Variants in SYCP2L observed in about 807,000 individuals in gnomAD.
SYCP2L encodes synaptonemal complex protein 2 like.
A neutral mutation model predicts 125.8 loss-of-function variants in SYCP2L; 98 were observed. The ratio of observed to expected loss-of-function variants is 0.78; its 90% CI spans 0.66 to 0.92. The LOEUF (loss-of-function observed/expected upper bound fraction) is 0.92. Ranked by LOEUF, SYCP2L falls within the 40% of genes least tolerant of loss-of-function variation. The pLI, the probability that SYCP2L is intolerant of heterozygous loss-of-function variation, is 0.00. For missense variants in SYCP2L, 842 were observed against 936.4 expected, an observed-to-expected ratio of 0.90 and a Z score of 1.32; for synonymous variants, 317 against 325.4, an observed-to-expected ratio of 0.97 and a Z score of 0.28.
At chr6:10,963,390 A>G in intron 28 of SYCP2L, 2 of 214,118 alleles carry the variant, frequency 9.3e-6, no homozygotes, top group Admixed American at 1.1e-4. Context: ...TTCAAGGTCA[A>G]ACAGGTATCC....
intron 10 of SYCP2L, among the ~76,000 whole-genome samples, chr6:10,909,116 ATTTTT>A (rs67767345): frequency 6.2e-4 from 59 of 94,870 alleles, no homozygotes; most frequent in African/African-American, 2.3e-3. Context: ...TCTCAATTGA[ATTTTT>A]TTTTTTTTTT....
chr6:10,889,231 A>G (rs904805804), intron 1 of SYCP2L, among the ~76,000 whole-genome samples: 6 of 152,190 alleles, frequency 3.9e-5, no homozygotes, highest in African/African-American at 1.4e-4. Context: ...ATTATCCACT[A>G]ACACAATGGT....
chr6:10,919,483 G>A (rs1780751755), intron 14 of SYCP2L, among the ~76,000 whole-genome samples: 1 of 152,152 alleles, frequency 6.6e-6, no homozygotes, highest in African/African-American at 2.4e-5. Context: ...AGGTGGCAGT[G>A]GGGTGAAATG....
chr6:10,919,164 A>G (rs964391038), intron 14 of SYCP2L, among the ~76,000 whole-genome samples: 1 of 152,214 alleles, frequency 6.6e-6, no homozygotes, highest in East Asian at 1.9e-4. Flanking sequence ...TTGTCATAGT[A>G]CTAGAGTTGG....
At chr6:10,906,860 A>G (rs911249275) in intron 9 of SYCP2L, among the ~76,000 whole-genome samples, 1 of 151,894 alleles carries the variant, frequency 6.6e-6, no homozygotes, top group South Asian at 2.1e-4. Flanking sequence ...CGGCCTCCCA[A>G]AGTGCTGGGA....
At chr6:10,945,952 T>G (rs544319374) in intron 23 of SYCP2L, among the ~76,000 whole-genome samples, 1 of 152,278 alleles carries the variant, frequency 6.6e-6, no homozygotes, top group African/African-American at 2.4e-5. Context: ...TGGTATAATT[T>G]CTAAAAGTCT....
intron 22 of SYCP2L, 66 bp downstream of exon 22, chr6:10,942,595 T>C (rs971460800): frequency 1.9e-6 from 3 of 1,575,740 alleles, no homozygotes; most frequent in African/African-American, 1.4e-5. Context: ...CATAACACAT[T>C]GGCTATTCCT....
intron 2 of SYCP2L, among the ~76,000 whole-genome samples, chr6:10,892,907 A>G (rs1035132164): frequency 3.9e-5 from 6 of 152,076 alleles, no homozygotes; most frequent in African/African-American, 7.2e-5. Flanking sequence ...TTGCTTCCTT[A>G]TTAAAATAGT....
intron 10 of SYCP2L, 134 bp from the exon 11 acceptor site, chr6:10,910,014 T>A (rs1317502494): frequency 3.1e-6 from 2 of 650,114 alleles, no homozygotes; most frequent in Non-Finnish European, 5.3e-6. Context: ...TAATAACAAA[T>A]CCTTGTAAAG....
At position 10,894,071 on chromosome 6, in the gene SYCP2L, T is replaced by C; in HGVS notation, c.217-14T>C. ...TATTTATAAGTGTTTTAACTTAGTGTGGTTTATACCTAGGAACTAGATAAA... is the reference window on the plus strand; with the variant it reads ...TATTTATAAGTGTTTTAACTTAGTGCGGTTTATACCTAGGAACTAGATAAA... On this transcript the variant is annotated splice_polypyrimidine_tract_variant and intron_variant, in intron 3 of 29. Coordinates refer to ENST00000283141, the MANE Select transcript of SYCP2L (RefSeq NM_001040274.3). 1 of 1,603,998 alleles carries C rather than the reference T, an allele frequency of 6.2e-7. No individual in the cohort carries two copies. Among genetic ancestry groups the C allele is most frequent in the Non-Finnish European group, 8.5e-7 (1 of 1,177,580 alleles).
rs553934137 is a variant in SYCP2L, at chr6:10,935,232, G to T, written c.1813+45G>T. 67 of 1,590,820 alleles carry T rather than the reference G, an allele frequency of 4.2e-5. 1 individual carries two copies. In the South Asian group the frequency reaches 7.7e-4, roughly 18 times the overall value. On this transcript the variant is annotated intron_variant, in intron 21 of 29. Transcript: ENST00000283141. ...CTTACATAGGAAAAAATTTGTATTT[G>T]GGAAAGGTAGTTTGAAGTAAACAAA...
At chr6:10,972,283 A>G (rs78275364) in intron 29 of SYCP2L, among the ~76,000 whole-genome samples, 4,531 of 152,262 alleles carry the variant, frequency 0.03, 210 homozygotes, top group East Asian at 0.22. Flanking sequence ...TCAAAATAAG[A>G]CTAAAAGAGG....
intron 21 of SYCP2L, among the ~76,000 whole-genome samples, chr6:10,935,704 A>G (rs887731581): frequency 2.6e-5 from 4 of 152,128 alleles, no homozygotes; most frequent in Admixed American, 6.6e-5. Flanking sequence ...CATGTTGGCC[A>G]GTCCAGTCTG....
intron 2 of SYCP2L, among the ~76,000 whole-genome samples, chr6:10,892,681 ACTT>A (rs1780193434): frequency 6.6e-6 from 1 of 152,210 alleles, no homozygotes; most frequent in East Asian, 1.9e-4. Context: ...TATCCTTGCT[ACTT>A]GTATCCTGAG....
intron 6 of SYCP2L, among the ~76,000 whole-genome samples, chr6:10,899,573 A>T (rs1780343594): frequency 6.6e-6 from 1 of 152,212 alleles, no homozygotes; most frequent in South Asian, 2.1e-4. Flanking sequence ...CATTTGAATT[A>T]TGATACCATG....
chr6:10,923,380 C>CTTTTTT (rs1226992236), intron 14 of SYCP2L, among the ~76,000 whole-genome samples: 6 of 92,474 alleles, frequency 6.5e-5, no homozygotes, highest in Non-Finnish European at 9.8e-5. Flanking sequence ...GAAACACACA[C>CTTTTTT]TTTTTTTTTT....
intron 14 of SYCP2L, among the ~76,000 whole-genome samples, chr6:10,913,397 G>A (rs1384055148): frequency 2.6e-5 from 4 of 152,192 alleles, no homozygotes; most frequent in Non-Finnish European, 4.4e-5. Flanking sequence ...GAGATGGATT[G>A]CCAGGCTCTC....
intron 24 of SYCP2L, 113 bp from the exon 25 acceptor site, chr6:10,956,023 A>G: frequency 3.7e-6 from 3 of 808,228 alleles, no homozygotes; most frequent in Non-Finnish European, 5.9e-6. Flanking sequence ...CGGGGCTTCC[A>G]TGGTTCGCAT....
intron 11 of SYCP2L, among the ~76,000 whole-genome samples, 161 bp downstream of exon 11, chr6:10,910,361 G>A (rs1780585338): frequency 6.6e-6 from 1 of 152,162 alleles, no homozygotes; most frequent in East Asian, 1.9e-4. Flanking sequence ...GAGAAGATCA[G>A]ACCCTTTCTG....
Sources: gnomAD v4.1 joint callset for allele counts (sites outside exome capture counted in the v4.1 genomes callset) on GRCh38, gnomAD v4.1.1 for gene constraint, MANE v1.5 for transcripts, NCBI Gene and HGNC (gene_info 2026-07-23, HGNC 2026-07-21) for gene names.